The following GALNT13 variants were observed in gnomAD, a reference collection of about 807,000 sequenced individuals.
The protein encoded by GALNT13 is polypeptide N-acetylgalactosaminyltransferase 13.
Under a neutral mutation model 64.2 loss-of-function variants are expected in GALNT13, and 28 were observed. That is an observed-to-expected ratio of 0.44 (90% CI 0.32 to 0.60). The LOEUF (loss-of-function observed/expected upper bound fraction) is 0.60, where lower values mean the gene tolerates loss of function less well. GALNT13 is among the 20% of genes least tolerant of loss of function. GALNT13 has a pLI of 0.05. For missense variants in GALNT13, 577 were observed against 669.8 expected, an observed-to-expected ratio of 0.86 and a Z score of 1.53; for synonymous variants, 214 against 224.6, an observed-to-expected ratio of 0.95 and a Z score of 0.42.
At chr2:153,239,248 T>A in the GALNT13 span, among the ~76,000 whole-genome samples, 1 of 152,122 alleles carries the variant, frequency 6.6e-6, no homozygotes, top group Admixed American at 6.6e-5. Context: ...GCGTTTTTAG[T>A]TTTTTTCAAA....
At chr2:154,272,578 A>G (rs1400425122) in intron 8 of GALNT13, among the ~76,000 whole-genome samples, 1 of 152,118 alleles carries the variant, frequency 6.6e-6, no homozygotes, top group East Asian at 1.9e-4. Context: ...AATTTATGGC[A>G]ATAAAAACAG....
chr2:154,443,727 T>G (rs1426916775), intron 12 of GALNT13, among the ~76,000 whole-genome samples: 1 of 152,112 alleles, frequency 6.6e-6, no homozygotes, highest in African/African-American at 2.4e-5. Context: ...GAATTATATA[T>G]TTGGAAGGGT....
chr2:153,615,183 T>A, the GALNT13 span, among the ~76,000 whole-genome samples: 1 of 152,106 alleles, frequency 6.6e-6, no homozygotes, highest in Non-Finnish European at 1.5e-5. Flanking sequence ...GTTCTATCCA[T>A]GTTGTCACAA....
the GALNT13 span, among the ~76,000 whole-genome samples, chr2:153,862,274 T>C: frequency 6.6e-6 from 1 of 152,310 alleles, no homozygotes; most frequent in East Asian, 1.9e-4. Flanking sequence ...TCAGTCAAGT[T>C]GATATAACTA....
At chr2:154,368,164 A>T (rs1437637707) in intron 9 of GALNT13, among the ~76,000 whole-genome samples, 1 of 152,054 alleles carries the variant, frequency 6.6e-6, no homozygotes, top group African/African-American at 2.4e-5. Context: ...AAATATGTAA[A>T]AAAAAAATTC....
At chr2:153,415,490 G>C in the GALNT13 span, among the ~76,000 whole-genome samples, 2 of 152,336 alleles carry the variant, frequency 1.3e-5, no homozygotes, top group Admixed American at 1.3e-4. Flanking sequence ...ATGGACTACT[G>C]TGTTAAATCT....
the GALNT13 span, among the ~76,000 whole-genome samples, chr2:153,503,021 C>T: frequency 1.3e-5 from 2 of 150,868 alleles, no homozygotes; most frequent in Non-Finnish European, 3.0e-5. Context: ...TTTTCCTCCA[C>T]TCTGTGGGTT....
At chr2:153,647,530 A>T in the GALNT13 span, among the ~76,000 whole-genome samples, 1 of 152,152 alleles carries the variant, frequency 6.6e-6, no homozygotes, top group African/African-American at 2.4e-5. Context: ...TTAAACATGA[A>T]GTCCTTGCCC....
intron 2 of GALNT13, among the ~76,000 whole-genome samples, chr2:153,939,847 A>G (rs1040138759): frequency 1.1e-4 from 16 of 152,236 alleles, no homozygotes; most frequent in African/African-American, 3.6e-4. Context: ...CAAGGTAACT[A>G]CTATTCGCAT....
intron 7 of GALNT13, among the ~76,000 whole-genome samples, chr2:154,253,380 A>G (rs566500512): frequency 1.3e-5 from 2 of 152,334 alleles, no homozygotes; most frequent in African/African-American, 4.8e-5. Flanking sequence ...GTATTCTGTC[A>G]CAATTTCTGT....
At chr2:153,515,294 G>A in the GALNT13 span, among the ~76,000 whole-genome samples, 10 of 152,182 alleles carry the variant, frequency 6.6e-5, no homozygotes, top group South Asian at 4.1e-4. Flanking sequence ...CCTCTCTGCC[G>A]TAGCTCCCTC....
chr2:153,757,142 A>G, the GALNT13 span, among the ~76,000 whole-genome samples: 1 of 152,176 alleles, frequency 6.6e-6, no homozygotes, highest in Non-Finnish European at 1.5e-5. Flanking sequence ...TCCTGTCTAA[A>G]TGAAACACTG....
At chr2:153,217,501 T>C in the GALNT13 span, among the ~76,000 whole-genome samples, 1 of 152,130 alleles carries the variant, frequency 6.6e-6, no homozygotes, top group African/African-American at 2.4e-5. Context: ...TCCTGGATGC[T>C]GTTTTATTTT....
intron 1 of GALNT13, among the ~76,000 whole-genome samples, chr2:153,877,459 C>A (rs1263419922): frequency 2.6e-5 from 4 of 152,224 alleles, no homozygotes; most frequent in Admixed American, 1.3e-4. Flanking sequence ...ATAGCACAAT[C>A]AAAAATCATC....
intron 12 of GALNT13, among the ~76,000 whole-genome samples, chr2:154,443,558 C>T (rs112489845): frequency 3.6e-4 from 55 of 151,778 alleles, no homozygotes; most frequent in Non-Finnish European, 6.6e-4. Flanking sequence ...GAGACCTGTG[C>T]GATTGGCTCT....
At chr2:153,403,277 C>T in the GALNT13 span, among the ~76,000 whole-genome samples, 1 of 151,480 alleles carries the variant, frequency 6.6e-6, no homozygotes, top group Non-Finnish European at 1.5e-5. Context: ...AGGAGGCAGT[C>T]TGCCCGTTCT....
At chr2:154,148,834 G>T (rs1412649988) in intron 4 of GALNT13, among the ~76,000 whole-genome samples, 1 of 152,038 alleles carries the variant, frequency 6.6e-6, no homozygotes, top group Non-Finnish European at 1.5e-5. Flanking sequence ...TTAGCCCTTT[G>T]TCAGATGAGT....
the GALNT13 span, among the ~76,000 whole-genome samples, chr2:153,519,063 G>C: frequency 6.6e-6 from 1 of 152,116 alleles, no homozygotes; most frequent in African/African-American, 2.4e-5. Flanking sequence ...CATAGACTAA[G>C]AAGTTAATGG....
intron 9 of GALNT13, among the ~76,000 whole-genome samples, chr2:154,376,600 T>C (rs1376670625): frequency 6.6e-6 from 1 of 152,140 alleles, no homozygotes; most frequent in Non-Finnish European, 1.5e-5. Context: ...AAGTCAAAAT[T>C]AATATCAAAA....
Sources: gnomAD v4.1 joint callset for allele counts (sites outside exome capture counted in the v4.1 genomes callset) on GRCh38, gnomAD v4.1.1 for gene constraint, MANE v1.5 for transcripts, NCBI Gene and HGNC (gene_info 2026-07-23, HGNC 2026-07-21) for gene names.